Variants in SIK3 observed in about 807,000 individuals in gnomAD.
The protein encoded by SIK3 is serine/threonine-protein kinase SIK3.
A neutral mutation model predicts 144.2 loss-of-function variants in SIK3; 28 were observed. That is an observed-to-expected ratio of 0.19 (90% CI 0.14 to 0.27). The LOEUF (loss-of-function observed/expected upper bound fraction) is 0.27. SIK3 is among the 10% of genes least tolerant of loss of function. SIK3 has a pLI of 1.00. For synonymous variants in SIK3, 686 were observed against 676.3 expected (o/e 1.01, Z -0.22); for missense variants, 1,319 against 1,776.0 (o/e 0.74, Z 4.62).
At chr11:117,035,488 C>T (rs940638904) in intron 1 of SIK3, among the ~76,000 whole-genome samples, 1 of 152,064 alleles carries the variant, frequency 6.6e-6, no homozygotes, top group Non-Finnish European at 1.5e-5. Flanking sequence ...TTTGGCTATC[C>T]CCCATCTGTG....
rs182507146 is a variant in SIK3, at chr11:117,001,459, T to A, written c.274-44395A>T. Among the ~76,000 whole-genome samples the A allele has an allele frequency of 4.3e-3, 647 of 151,464 alleles. 17 individuals carry two copies. Among genetic ancestry groups the A allele is most frequent in the Admixed American group, 0.04 (612 of 15,226 alleles). ...AGGTGGAGGTTGCAGTGAGCTGAGA[T>A]CGCCCCACTGCACTCCAGCCTGGGC... On this transcript the variant is annotated intron_variant, in intron 1 of 24. Coordinates refer to ENST00000445177, the MANE Select transcript of SIK3 (RefSeq NM_001366686.3).
chr11:117,049,887 G>A (rs2135903404), intron 1 of SIK3, among the ~76,000 whole-genome samples: 1 of 152,048 alleles, frequency 6.6e-6, no homozygotes, highest in South Asian at 2.1e-4. Context: ...CTTGAGCCCA[G>A]AGTTCAAGTT....
At chr11:116,999,678 G>A (rs927186904) in intron 1 of SIK3, among the ~76,000 whole-genome samples, 57 of 152,078 alleles carry the variant, frequency 3.7e-4, no homozygotes, top group African/African-American at 1.3e-3. Context: ...ACCCACCTCA[G>A]CCTTCCAAAG....
chr11:116,992,061 T>C (rs992877790), intron 1 of SIK3, among the ~76,000 whole-genome samples: 1 of 152,146 alleles, frequency 6.6e-6, no homozygotes, highest in Non-Finnish European at 1.5e-5. Context: ...TGGTGGCTCA[T>C]ACCTGGAATC....
At chr11:117,077,130 C>G (rs969636319) in intron 1 of SIK3, among the ~76,000 whole-genome samples, 4 of 152,156 alleles carry the variant, frequency 2.6e-5, no homozygotes, top group Non-Finnish European at 5.9e-5. Flanking sequence ...TGCACTCTGG[C>G]CTGGTCAACA....
intron 3 of SIK3, among the ~76,000 whole-genome samples, chr11:116,930,985 A>T (rs759577086): frequency 6.6e-6 from 1 of 152,214 alleles, no homozygotes; most frequent in Non-Finnish European, 1.5e-5. Context: ...AGGAAAAAAA[A>T]TGGTTCTCCT....
intron 1 of SIK3, among the ~76,000 whole-genome samples, chr11:117,083,152 A>G (rs1044640138): frequency 1.3e-5 from 2 of 152,158 alleles, no homozygotes; most frequent in African/African-American, 2.4e-5. Flanking sequence ...TTGGTATAAC[A>G]ATACCCCTTT....
intron 1 of SIK3, among the ~76,000 whole-genome samples, chr11:116,991,993 G>A (rs1016731489): frequency 2.0e-5 from 3 of 151,910 alleles, no homozygotes; most frequent in Non-Finnish European, 2.9e-5. Flanking sequence ...CAAAAAAGGG[G>A]GTAAATCTTG....
At position 116,875,422 on chromosome 11, in the gene SIK3, G is replaced by A. The variant is rs758722681; in HGVS notation, c.1269C>T (p.Ile423=). ...QAEQAGTAMN[I]SVPQVQLINP... is the part of the protein sequence containing the mutation. ...TGATCAGCTGCACCTGGGGAACGCT[G>A]ATGTTCATAGCAGTACCTGCCTGCT... is the stretch of plus-strand genomic sequence containing the variant. The change falls in exon 10 of 25, where the codon ATC becomes ATT. Residue 423 remains isoleucine, a synonymous_variant. Coordinates refer to ENST00000445177, the MANE Select transcript of SIK3 (RefSeq NM_001366686.3). The A allele has an allele frequency of 6.2e-7, 1 of 1,614,194 alleles. No homozygotes were observed. Among genetic ancestry groups the A allele is most frequent in the Non-Finnish European group, 8.5e-7 (1 of 1,180,032 alleles).
At chr11:116,911,325 C>T (rs11216184) in intron 4 of SIK3, among the ~76,000 whole-genome samples, 1,796 of 151,936 alleles carry the variant, frequency 0.012, 23 homozygotes, top group African/African-American at 0.038. Flanking sequence ...CTGGTCAACA[C>T]GGTGAAACAC....
Position 116,858,321 on chromosome 11 carries a change from C to T in SIK3, c.3144G>A (p.Gln1048=). The change falls in exon 21 of 25, where the codon CAG becomes CAA. Residue 1048 remains glutamine, a synonymous_variant. Transcript: ENST00000445177. This position sits in a 1 kb window ranked among gnomAD's most constrained non-coding sequence, Gnocchi z 5.4. ...TEFAQLIKRQ[Q]QQRQQQQQQQ... The stretch of plus-strand genomic sequence containing the variant: ...GTTGCTGCTGCTGCTGCCGTTGTTG[C>T]TGCTGCCTTTTAATGAGCTGTGCAA... 1 of 1,613,278 alleles carries T rather than the reference C, an allele frequency of 6.2e-7. No homozygotes were observed.
chr11:116,977,481 G>A (rs527989439), intron 1 of SIK3, among the ~76,000 whole-genome samples: 22 of 152,204 alleles, frequency 1.4e-4, no homozygotes, highest in South Asian at 6.2e-4. Context: ...AAAAAAAGAC[G>A]AAGAAATCTA....
At chr11:117,034,035 T>C (rs912026838) in intron 1 of SIK3, among the ~76,000 whole-genome samples, 1 of 152,158 alleles carries the variant, frequency 6.6e-6, no homozygotes, top group Non-Finnish European at 1.5e-5. Flanking sequence ...AACAGATTTA[T>C]AATCGCTGCC....
At position 116,875,265 on chromosome 11, in the gene SIK3, C is replaced by T. The variant is rs1275038264; in HGVS notation, c.1320G>A (p.Pro440=). Residue 440 remains proline (P), a splice_region_variant and synonymous_variant, in exon 11 of 25, where the codon CCG becomes CCA. Transcript: ENST00000445177. ...LINPENQIVE[P]DGTLNLDSDE... Reference sequence around the variant, plus strand: ...CACTGTCCAAATTCAGTGTCCCATCCGGCTGAGGTGGAGGGAAACACCATC... The same window carrying T: ...CACTGTCCAAATTCAGTGTCCCATCTGGCTGAGGTGGAGGGAAACACCATC... 4 of 1,613,848 alleles carry T rather than the reference C, an allele frequency of 2.5e-6. No homozygotes were observed. Among genetic ancestry groups the T allele is most frequent in the African/African-American group, 1.3e-5 (1 of 74,882 alleles).
At chr11:116,877,451 G>A (rs932253994) in intron 6 of SIK3, among the ~76,000 whole-genome samples, 5 of 152,222 alleles carry the variant, frequency 3.3e-5, no homozygotes, top group East Asian at 1.9e-4. Flanking sequence ...GTACCACCAC[G>A]CGCATACTAA....
intron 1 of SIK3, among the ~76,000 whole-genome samples, chr11:117,061,294 T>C (rs1055704150): frequency 6.6e-6 from 1 of 152,070 alleles, no homozygotes; most frequent in African/African-American, 2.4e-5. Context: ...TTTAAGGTAT[T>C]ACCATTTGAG....
chr11:116,943,668 T>A (rs938609535), intron 3 of SIK3, among the ~76,000 whole-genome samples: 4 of 152,120 alleles, frequency 2.6e-5, no homozygotes, highest in African/African-American at 9.7e-5. Context: ...GAGGATAACT[T>A]ATTTGACAGT....
chr11:116,980,500 T>C (rs1348383158), intron 1 of SIK3, among the ~76,000 whole-genome samples: 1 of 152,256 alleles, frequency 6.6e-6, no homozygotes, highest in East Asian at 1.9e-4. Flanking sequence ...TCATGAATAC[T>C]GTACTGAAGT....
rs1192376813 is a variant in SIK3, at chr11:116,859,000, C to G, written c.2765+265G>C. Among the ~76,000 whole-genome samples, 2 of 152,192 alleles carry G rather than the reference C, an allele frequency of 1.3e-5. No individual in the cohort carries two copies. Among genetic ancestry groups the G allele is most frequent in the Non-Finnish European group, 2.9e-5 (2 of 68,024 alleles). ...ATACATTCCTCTAACAGGCCATTTT[C>G]TTCTTTGCAAGCAAATAATAAGGTA... On this transcript the variant is annotated intron_variant, in intron 20 of 24. Transcript: ENST00000445177. This position sits in a 1 kb window ranked among gnomAD's most constrained non-coding sequence, Gnocchi z 5.4.
Sources: allele counts gnomAD v4.1 joint callset (sites outside exome capture counted in the v4.1 genomes callset), GRCh38; gene constraint gnomAD v4.1.1; non-coding constraint Gnocchi (gnomAD v3.1); transcripts MANE v1.5; gene names NCBI Gene and HGNC (gene_info 2026-07-23, HGNC 2026-07-21).